The following COL4A3 variants were observed in gnomAD, a reference collection of about 807,000 sequenced individuals.
COL4A3 encodes the protein collagen type IV alpha 3 chain.
In COL4A3, 135 loss-of-function variants were observed where a neutral mutation model predicts 217.4. The observed-to-expected ratio is 0.62, with a 90% confidence interval of 0.54 to 0.72. COL4A3 has a LOEUF of 0.72. Among genes scored for constraint, COL4A3 ranks in the 30% least tolerant of loss-of-function variants. COL4A3 has a pLI of 0.00. For synonymous variants in COL4A3, 690 were observed against 736.3 expected, an observed-to-expected ratio of 0.94 and a Z score of 1.02; for missense variants, 1,868 against 2,119.9, an observed-to-expected ratio of 0.88 and a Z score of 2.33.
chr2:227,248,940 A>T (rs921063748), intron 9 of COL4A3, among the ~76,000 whole-genome samples: 3 of 151,928 alleles, frequency 2.0e-5, no homozygotes, highest in Non-Finnish European at 4.4e-5. Context: ...GATAAATAAA[A>T]GGTTTTTATT....
Position 227,237,950 on chromosome 2 carries a change from C to T in COL4A3, c.88-18C>T, listed in dbSNP as rs756969098. The stretch of plus-strand genomic sequence containing the variant: ...CAGCTGTTTCTAAACAAAACCCTTT[C>T]TCTTTCCCTCTTCCTAGGGTTGTGT... On this transcript the variant is annotated intron_variant, in intron 1 of 51. Coordinates refer to ENST00000396578, the MANE Select transcript of COL4A3 (RefSeq NM_000091.5). 1 of 1,597,460 alleles carries T rather than the reference C, an allele frequency of 6.3e-7. No individual in the cohort carries two copies. The highest frequency in any genetic ancestry group is 2.2e-5 in the East Asian group (1 of 44,752).
At chr2:227,258,863 TAC>T (rs2070364150) in intron 18 of COL4A3, among the ~76,000 whole-genome samples, 1 of 152,230 alleles carries the variant, frequency 6.6e-6, no homozygotes, top group South Asian at 2.1e-4. Flanking sequence ...CGCATATCAT[TAC>T]AGATTTCATG....
intron 1 of COL4A3, among the ~76,000 whole-genome samples, chr2:227,214,577 T>G (rs534496201): frequency 5.6e-4 from 85 of 152,344 alleles, no homozygotes; most frequent in Non-Finnish European, 9.3e-4. Flanking sequence ...TTTTTACATG[T>G]TTTTATTCCT....
rs766942784 is a variant in COL4A3, at chr2:227,261,025, T to C, written c.1115-57T>C. ...ATATTGTCACCCAAGATTCCAAAAG[T>C]GGATGGGACAGCATTTATATCTTTC... is the stretch of plus-strand genomic sequence containing the variant. On this transcript the variant is annotated intron_variant, in intron 19 of 51. Transcript: ENST00000396578. The C allele has an allele frequency of 2.8e-5, 40 of 1,429,136 alleles. No homozygotes were observed. The Admixed American group carries it at 4.2e-4, about 15-fold the overall frequency. The allele number at this position is 1,429,136 out of a possible 1,614,324, so 88.5% of individuals were successfully genotyped here. A position where few individuals can be genotyped will look rare whatever the true frequency, so the allele number is the denominator to read the frequency against.
chr2:227,270,697 A>G, intron 24 of COL4A3, 73 bp from the exon 25 acceptor site: 1 of 1,474,518 alleles, frequency 6.8e-7, no homozygotes, highest in Non-Finnish European at 9.4e-7. Flanking sequence ...GTTCTTGTCC[A>G]CACTGTTTTT....
chr2:227,258,519 G>C (rs2070341693), intron 18 of COL4A3, among the ~76,000 whole-genome samples: 1 of 152,182 alleles, frequency 6.6e-6, no homozygotes, highest in Non-Finnish European at 1.5e-5. Context: ...CTAGAGGCTG[G>C]GAAGTCCAAA....
In COL4A3 at chr2:227,250,905, G is replaced by A. The variant is rs560460451; in HGVS notation, c.547-235G>A. Among the ~76,000 whole-genome samples the A allele has an allele frequency of 2.0e-5, 3 of 152,290 alleles. No homozygotes were observed. Among genetic ancestry groups the A allele is most frequent in the South Asian group, 4.1e-4 (2 of 4,832 alleles). On this transcript the variant is annotated intron_variant, in intron 9 of 51. Transcript: ENST00000396578. This position sits in a 1 kb window ranked among gnomAD's most constrained non-coding sequence, Gnocchi z 4.1. ...AGAAAAGCAAAATTTTGAAACGTCT[G>A]AAGTAAAGCAACTACTTTGGTCATT...
intron 1 of COL4A3, among the ~76,000 whole-genome samples, chr2:227,180,161 C>T (rs957178038): frequency 3.3e-5 from 5 of 152,148 alleles, no homozygotes; most frequent in Non-Finnish European, 4.4e-5. Flanking sequence ...TTTACAGACA[C>T]GGACTAGATT....
chr2:227,202,929 A>G (rs1177417173), intron 1 of COL4A3, among the ~76,000 whole-genome samples: 1 of 37,074 alleles, frequency 2.7e-5, no homozygotes, highest in Non-Finnish European at 4.5e-5. Flanking sequence ...ATATGTGTAT[A>G]TATGTGTATA....
rs371027137 is a variant in COL4A3, at chr2:227,182,549, AAGGCTGAT to A, written c.87+17737_87+17744del. 1.7e-3 allele frequency among the ~76,000 whole-genome samples: 266 copies of A among 152,332 alleles called. 1 individual carries two copies. Among genetic ancestry groups the A allele is most frequent in the Middle Eastern group, 3.4e-3 (1 of 294 alleles). ...ATTAGATTTTTTTCTAGGTTTCTTA[AAGGCTGAT>A]CTGGCTTAAACCATGCATCAAAATT... is the stretch of plus-strand genomic sequence containing the variant. On this transcript the variant is annotated intron_variant, in intron 1 of 51. Coordinates refer to ENST00000396578, the MANE Select transcript of COL4A3 (RefSeq NM_000091.5).
Position 227,253,689 on chromosome 2 carries a change from A to G in COL4A3, c.765+51A>G, listed in dbSNP as rs760928619. The G allele has an allele frequency of 9.7e-6, 14 of 1,439,296 alleles. No homozygotes were observed. Among genetic ancestry groups the G allele is most frequent in the Non-Finnish European group, 1.3e-5 (13 of 1,020,504 alleles). The allele number at this position is 1,439,296 out of a possible 1,614,324, so 89.2% of individuals were successfully genotyped here. A position where few individuals can be genotyped will look rare whatever the true frequency, so the allele number is the denominator to read the frequency against. ...GTTGTGCCTTCCCGTGTCTAGGATG[A>G]AGTCCTTGTGACCCTGCACCTCTTT... On this transcript the variant is annotated intron_variant, in intron 13 of 51. Transcript: ENST00000396578. The surrounding 1 kb of genome is among the most constrained non-coding windows in gnomAD (Gnocchi z 4.4).
chr2:227,186,732 G>A (rs1045888642), intron 1 of COL4A3, among the ~76,000 whole-genome samples: 6 of 152,170 alleles, frequency 3.9e-5, no homozygotes, highest in African/African-American at 9.7e-5. Flanking sequence ...CTTGTTTCAG[G>A]ACAGGTGAAG....
intron 47 of COL4A3, chr2:227,305,484 G>T (rs12468610): frequency 0.82 from 134,063 of 164,444 alleles, 55,840 homozygotes; most frequent in Non-Finnish European, 0.91. Flanking sequence ...AAGAGCAACT[G>T]AGTATCCTTT....
chr2:227,280,642 C>G (rs1178863797), intron 30 of COL4A3, 52 bp downstream of exon 30: 1 of 1,589,626 alleles, frequency 6.3e-7, no homozygotes, highest in Admixed American at 1.7e-5. Context: ...TGCTAAAATG[C>G]AGCAAACTGA....
intron 47 of COL4A3, 30 bp from the exon 48 acceptor site, chr2:227,307,680 G>C: frequency 6.3e-7 from 1 of 1,588,390 alleles, no homozygotes; most frequent in Non-Finnish European, 8.6e-7. Flanking sequence ...TTTTGTGTAT[G>C]TTGCAACATT....
Position 227,218,952 on chromosome 2 carries a change from A to C in COL4A3, c.88-19016A>C, listed in dbSNP as rs568731148. On this transcript the variant is annotated intron_variant, in intron 1 of 51. Coordinates refer to ENST00000396578, the MANE Select transcript of COL4A3 (RefSeq NM_000091.5). ...TATGTGGAATTTGTCATCTTCCAAT[A>C]TACAATAAAATAGCCTAACATGAAG... Among the ~76,000 whole-genome samples, 4 of 152,252 alleles carry C rather than the reference A, an allele frequency of 2.6e-5. No homozygotes were observed. In the South Asian group the frequency reaches 8.3e-4, roughly 32 times the overall value.
intron 51 of COL4A3, among the ~76,000 whole-genome samples, chr2:227,311,411 G>A (rs925856119): frequency 6.9e-6 from 1 of 145,806 alleles, no homozygotes; most frequent in Non-Finnish European, 1.5e-5. Context: ...ATGGAGTCTC[G>A]CTCTGTTGCC....
chr2:227,244,348 G>C lies in COL4A3; in HGVS notation c.263G>C (p.Gly88Ala). The C allele has an allele frequency of 6.2e-7, 1 of 1,613,886 alleles. No homozygotes were observed. Among genetic ancestry groups the C allele is most frequent in the Non-Finnish European group, 8.5e-7 (1 of 1,179,894 alleles). The part of the protein sequence containing the change: ...KGFPGLPGLT[G>A]SKGVRGISGL... Reference sequence around the variant, plus strand: ...TTTCCAGGACTTCCAGGACTCACGGGTTCCAAAGGTGTAAGGGTTAGTAGT... The same window carrying C: ...TTTCCAGGACTTCCAGGACTCACGGCTTCCAAAGGTGTAAGGGTTAGTAGT... Residue 88 changes from glycine to alanine, a missense_variant, in exon 4 of 52, where the codon GGT (glycine) becomes GCT (alanine). Gly to Ala is a moderately conservative substitution (Grantham distance 60). Transcript: ENST00000396578.
rs763912784 is a variant in COL4A3, at chr2:227,293,274, A to G, written c.3294A>G (p.Gly1098=). The stretch of plus-strand genomic sequence containing the variant: ...CACCTGGACATTTGGGGCCTGCTGG[A>G]CCTGAGGGAGCCCCTGGAAGTCCTG... ...PGPPGHLGPA[G]PEGAPGSPGS... is the part of the protein sequence containing the mutation. Residue 1098 remains glycine (G), a synonymous_variant, in exon 38 of 52, where the codon GGA becomes GGG. Transcript: ENST00000396578. 9 of 1,613,698 alleles carry G rather than the reference A, an allele frequency of 5.6e-6. No individual in the cohort carries two copies. In the African/African-American group the frequency reaches 1.2e-4, roughly 22 times the overall value.
Sources: allele counts gnomAD v4.1 joint callset (sites outside exome capture counted in the v4.1 genomes callset), GRCh38; gene constraint gnomAD v4.1.1; non-coding constraint Gnocchi (gnomAD v3.1); transcripts MANE v1.5; gene names NCBI Gene and HGNC (gene_info 2026-07-23, HGNC 2026-07-21).